Variants in ZC3H12C observed in about 807,000 individuals in gnomAD.
ZC3H12C encodes the protein probable ribonuclease ZC3H12C.
Under a neutral mutation model 76.3 loss-of-function variants are expected in ZC3H12C, and 20 were observed. The observed-to-expected ratio is 0.26, with a 90% CI of 0.18 to 0.38. The LOEUF (loss-of-function observed/expected upper bound fraction) is 0.38. ZC3H12C is among the 10% of genes least tolerant of loss of function. The pLI is 1.00. For missense variants in ZC3H12C, 874 were observed against 1,086.5 expected (o/e 0.80, Z 2.75); for synonymous variants, 352 against 399.6 (o/e 0.88, Z 1.42).
chr11:110,093,588 G>A (rs1265759642), intron 1 of ZC3H12C, among the ~76,000 whole-genome samples, 156 bp downstream of exon 1: 1 of 151,722 alleles, frequency 6.6e-6, no homozygotes, highest in Admixed American at 6.6e-5. Context: ...GCCCAGGCGG[G>A]TCGGGCTCCG....
At chr11:110,137,596 C>T (rs1861989290) in intron 2 of ZC3H12C, among the ~76,000 whole-genome samples, 182 bp downstream of exon 2, 1 of 152,170 alleles carries the variant, frequency 6.6e-6, no homozygotes, top group Admixed American at 6.5e-5. Context: ...GCCATCTTTA[C>T]TTCATTTATC....
At chr11:110,111,782 A>T (rs1242907557) in intron 1 of ZC3H12C, among the ~76,000 whole-genome samples, 1 of 145,674 alleles carries the variant, frequency 6.9e-6, no homozygotes. Flanking sequence ...GGCTCAAGCC[A>T]CCCTCTCACC....
At chr11:110,158,434 G>A (rs548327424) in intron 3 of ZC3H12C, among the ~76,000 whole-genome samples, 7 of 151,978 alleles carry the variant, frequency 4.6e-5, no homozygotes, top group African/African-American at 1.4e-4. Flanking sequence ...CACTTGAACC[G>A]GGGAGGCGGA....
In ZC3H12C at chr11:110,136,671, G is replaced by C; in HGVS notation, c.30G>C (p.Gly10=). The C allele has an allele frequency of 6.2e-7, 1 of 1,611,580 alleles. No individual in the cohort carries two copies. Among genetic ancestry groups the C allele is most frequent in the Non-Finnish European group, 8.5e-7 (1 of 1,178,912 alleles). MPGGGSQEY[G]VLCIQEYRKN... is the part of the protein sequence containing the mutation. Reference sequence around the variant, plus strand: ...TTTACATTTTTCTCTAGGAATACGGGGTGCTTTGCATTCAGGAATACAGAA... The same window carrying C: ...TTTACATTTTTCTCTAGGAATACGGCGTGCTTTGCATTCAGGAATACAGAA... Residue 10 remains glycine (G), a synonymous_variant, in exon 2 of 6, where the codon GGG becomes GGC. Coordinates refer to ENST00000278590, the MANE Select transcript of ZC3H12C (RefSeq NM_033390.2).
chr11:110,129,281 A>G (rs994757790), intron 1 of ZC3H12C, among the ~76,000 whole-genome samples: 2 of 152,200 alleles, frequency 1.3e-5, no homozygotes, highest in Admixed American at 6.5e-5. Flanking sequence ...ATGATCTGTA[A>G]TATGGTACTT....
intron 3 of ZC3H12C, among the ~76,000 whole-genome samples, chr11:110,156,583 C>T (rs1862380552): frequency 6.6e-6 from 1 of 152,196 alleles, no homozygotes; most frequent in Admixed American, 6.5e-5. Flanking sequence ...CAAGACATGG[C>T]ATAGATGAGT....
In ZC3H12C at chr11:110,169,550, T is replaced by C. The variant is rs1862640031; in HGVS notation, c.*3813T>C. The C allele has an allele frequency of 6.6e-6, 1 of 152,178 alleles. No individual in the cohort carries two copies. The highest frequency in any genetic ancestry group is 2.1e-4 in the South Asian group (1 of 4,820). The allele number at this position is 152,178 out of a possible 1,614,324, so 9.4% of individuals were successfully genotyped here. A position where few individuals can be genotyped will look rare whatever the true frequency, so the allele number is the denominator to read the frequency against. On this transcript the variant is annotated 3_prime_UTR_variant, in exon 6 of 6. Transcript: ENST00000278590. ...GTGTGGTGCACCCATTTTATTGTCA[T>C]CTAACTCCTGGAGAATTCCCACGTG...
chr11:110,101,242 G>A (rs1025167837), intron 1 of ZC3H12C, among the ~76,000 whole-genome samples: 1 of 152,154 alleles, frequency 6.6e-6, no homozygotes, highest in African/African-American at 2.4e-5. Flanking sequence ...GCTAGCAGAG[G>A]CTGGTTCGTG....
chr11:110,150,408 T>G (rs949536985), intron 2 of ZC3H12C, among the ~76,000 whole-genome samples: 1 of 152,168 alleles, frequency 6.6e-6, no homozygotes, highest in Non-Finnish European at 1.5e-5. Context: ...TCTGTATGGC[T>G]TTTATTACAT....
intron 3 of ZC3H12C, 112 bp downstream of exon 3, chr11:110,153,170 G>C: frequency 7.7e-7 from 1 of 1,298,580 alleles, no homozygotes. Context: ...GCAGGCAGTG[G>C]GACACAAACG....
chr11:110,116,954 A>G (rs996066386), intron 1 of ZC3H12C, among the ~76,000 whole-genome samples: 16 of 152,206 alleles, frequency 1.1e-4, no homozygotes, highest in African/African-American at 3.6e-4. Flanking sequence ...TACTAGAATA[A>G]ATTGTACCCT....
intron 1 of ZC3H12C, among the ~76,000 whole-genome samples, chr11:110,126,009 G>T (rs1024809706): frequency 6.6e-6 from 1 of 152,116 alleles, no homozygotes; most frequent in African/African-American, 2.4e-5. Context: ...GAGCTCCTTC[G>T]TGTTCTTCCA....
At position 110,165,285 on chromosome 11, in the gene ZC3H12C, T is replaced by A. The variant is rs745991481; in HGVS notation, c.2200T>A (p.Ser734Thr). The change falls in exon 6 of 6, where the codon TCT (serine) becomes ACT (threonine). Residue 734 changes from serine (S) to threonine (T), a missense_variant. By Grantham distance (58) the Ser-to-Thr change is moderately conservative (BLOSUM62 1). Transcript: ENST00000278590. ...DYPSPPSSAH[S>T]KAPHLGRSLV... Reference sequence around the variant, plus strand: ...CCCCTCTCCTCCAAGTTCAGCACACTCTAAGGCACCACACCTAGGGAGGTC... The same window carrying A: ...CCCCTCTCCTCCAAGTTCAGCACACACTAAGGCACCACACCTAGGGAGGTC... 15 of 1,613,828 alleles carry A rather than the reference T, an allele frequency of 9.3e-6. No homozygotes were observed. Among genetic ancestry groups the A allele is most frequent in the Non-Finnish European group, 1.3e-5 (15 of 1,179,874 alleles).
intron 1 of ZC3H12C, among the ~76,000 whole-genome samples, chr11:110,134,610 C>T (rs1050788483): frequency 6.6e-6 from 1 of 152,100 alleles, no homozygotes; most frequent in African/African-American, 2.4e-5. Context: ...TAATTGGGCT[C>T]ATGCATATCT....
intron 1 of ZC3H12C, among the ~76,000 whole-genome samples, chr11:110,130,065 A>C (rs1861832290): frequency 6.6e-6 from 1 of 152,218 alleles, no homozygotes; most frequent in African/African-American, 2.4e-5. Flanking sequence ...ATTTTATGAA[A>C]TACAAATACT....
chr11:110,112,400 AG>A (rs1323219432), intron 1 of ZC3H12C, among the ~76,000 whole-genome samples: 1 of 152,204 alleles, frequency 6.6e-6, no homozygotes, highest in African/African-American at 2.4e-5. Flanking sequence ...CTTGTTGCCC[AG>A]GCTGGTCTGG....
In ZC3H12C at chr11:110,169,968, T is replaced by TCAGATTTATGGCCCA. The variant is rs1278897530; in HGVS notation, c.*4237_*4238insTATGGCCCACAGATT. On this transcript the variant is annotated 3_prime_UTR_variant, in exon 6 of 6. Transcript: ENST00000278590. Reference sequence around the variant, plus strand: ...TTTATTTACAGAAACGGGAAGCCGGTCAGATTGGGCCTGTGGGCCATAATT... The same window carrying TCAGATTTATGGCCCA: ...TTTATTTACAGAAACGGGAAGCCGGTCAGATTTATGGCCCACAGATTGGGCCTGTGGGCCATAATT... 10 of 152,208 alleles carry TCAGATTTATGGCCCA rather than the reference T, an allele frequency of 6.6e-5. No individual in the cohort carries two copies. Among genetic ancestry groups the TCAGATTTATGGCCCA allele is most frequent in the African/African-American group, 2.2e-4 (9 of 41,464 alleles). 9.4% of individuals were successfully genotyped at this position (152,208 alleles called of 1,614,324 possible).
intron 1 of ZC3H12C, among the ~76,000 whole-genome samples, chr11:110,125,921 C>A (rs616436): frequency 1.3e-5 from 2 of 151,918 alleles, no homozygotes; most frequent in Non-Finnish European, 2.9e-5. Flanking sequence ...AGTCTAGAAG[C>A]TCTGCAAATG....
intron 1 of ZC3H12C, among the ~76,000 whole-genome samples, chr11:110,105,200 C>T (rs1861300000): frequency 6.6e-6 from 1 of 152,108 alleles, no homozygotes; most frequent in Non-Finnish European, 1.5e-5. Context: ...TTGAGGCTGT[C>T]TCCTCATTGT....
Sources: gnomAD v4.1 joint callset for allele counts (sites outside exome capture counted in the v4.1 genomes callset) on GRCh38, gnomAD v4.1.1 for gene constraint, MANE v1.5 for transcripts, NCBI Gene and HGNC (gene_info 2026-07-23, HGNC 2026-07-21) for gene names.